CIITA: variants seen among roughly 807,000 people sequenced by gnomAD.
CIITA encodes the protein MHC class II transactivator.
In CIITA, 72 loss-of-function variants were observed where a neutral mutation model predicts 115.1. That is an observed-to-expected ratio of 0.63 (90% CI 0.52 to 0.76). CIITA has a LOEUF of 0.76. Among genes scored for constraint, CIITA ranks in the 30% least tolerant of loss-of-function variants. CIITA has a pLI of 0.00. For missense variants in CIITA, 1,617 were observed against 1,463.8 expected, an observed-to-expected ratio of 1.10 and a Z score of -1.71; for synonymous variants, 763 against 635.6, an observed-to-expected ratio of 1.20 and a Z score of -3.02.
At position 10,942,884 on chromosome 16, in the gene CIITA, G is replaced by A. The variant is rs2041139848; in HGVS notation, n.2010G>A. ...ACATTCCCAAAGCGCCAATTTTCAT[G>A]GTGGAGATCCACCAGTGTCCCCTTC... is the stretch of plus-strand genomic sequence containing the variant. On this transcript the variant is annotated non_coding_transcript_exon_variant, in exon 2 of 2. Coordinates refer to the CIITA transcript ENST00000573379. This position sits in a 1 kb window ranked among gnomAD's most constrained non-coding sequence, Gnocchi z 5.0. 6.6e-6 allele frequency: 1 copy of A among 152,234 alleles called. No individual in the cohort carries two copies. The highest frequency in any genetic ancestry group is 2.4e-5 in the African/African-American group (1 of 41,456). The allele number at this position is 152,234 out of a possible 1,614,324, so 9.4% of individuals were successfully genotyped here.
intron 14 of CIITA, among the ~76,000 whole-genome samples, chr16:10,916,079 A>G (rs7186030): frequency 6.6e-6 from 1 of 152,210 alleles, no homozygotes; most frequent in Non-Finnish European, 1.5e-5. Context: ...CCTACTTTAC[A>G]GTGGAGGTTA....
At chr16:10,918,398 C>T (rs1276101986) in intron 15 of CIITA, 42 bp from the exon 16 acceptor site, 1 of 1,550,830 alleles carries the variant, frequency 6.4e-7, no homozygotes, top group South Asian at 1.1e-5. Flanking sequence ...GTGAGGCATG[C>T]AAGTTTGGTC....
chr16:10,891,445 C>A (rs2037574022), intron 1 of CIITA, among the ~76,000 whole-genome samples: 1 of 152,052 alleles, frequency 6.6e-6, no homozygotes, highest in African/African-American at 2.4e-5. Context: ...GTTTGGGTAA[C>A]TTATTATTTT....
rs938184162 is a variant in CIITA, at chr16:10,901,759, G to T, written c.481+201G>T. ...TGTTTGTGGAAGGTGGTAGGGGCTT[G>T]GAGCTAACAGATTGTTCATAGGTTC... On this transcript the variant is annotated intron_variant, in intron 6 of 19. Coordinates refer to ENST00000324288, the MANE Select transcript of CIITA (RefSeq NM_000246.4). This position sits in a 1 kb window ranked among gnomAD's most constrained non-coding sequence, Gnocchi z 6.8. The T allele has an allele frequency of 1.5e-6, 1 of 671,240 alleles. No homozygotes were observed. 41.6% of individuals were successfully genotyped at this position (671,240 alleles called of 1,614,324 possible).
intron 5 of CIITA, among the ~76,000 whole-genome samples, chr16:10,900,516 G>C (rs1045724026): frequency 1.3e-5 from 2 of 152,076 alleles, no homozygotes; most frequent in African/African-American, 4.8e-5. Context: ...AAGGCTGGCA[G>C]ATCACCTGAG....
At position 10,923,144 on chromosome 16, in the gene CIITA, G is replaced by C. The variant is rs879172807; in HGVS notation, c.3318-84G>C. On this transcript the variant is annotated intron_variant, in intron 18 of 19. Coordinates refer to ENST00000324288, the MANE Select transcript of CIITA (RefSeq NM_000246.4). This position sits in a 1 kb window ranked among gnomAD's most constrained non-coding sequence, Gnocchi z 5.2. ...CCCAACGTTCTAGGCTGGGTGGAAG[G>C]AGGGATTTGGGGGCAGCTGTCACTG... The C allele has an allele frequency of 3.3e-5, 37 of 1,124,858 alleles. No homozygotes were observed. The South Asian group carries it at 4.4e-4, about 13-fold the overall frequency. The allele number at this position is 1,124,858 out of a possible 1,614,324, so 69.7% of individuals were successfully genotyped here.
At chr16:10,900,289 T>C (rs2038587181) in intron 5 of CIITA, among the ~76,000 whole-genome samples, 2 of 152,226 alleles carry the variant, frequency 1.3e-5, no homozygotes, top group Non-Finnish European at 2.9e-5. Flanking sequence ...TTTTGCTTTC[T>C]TCATTTACTT....
Position 10,904,767 on chromosome 16 carries a change from T to A in CIITA, c.961T>A (p.Cys321Ser). The A allele has an allele frequency of 6.2e-7, 1 of 1,614,114 alleles. No individual in the cohort carries two copies. Among genetic ancestry groups the A allele is most frequent in the Non-Finnish European group, 8.5e-7 (1 of 1,179,990 alleles). The change falls in exon 10 of 20, where the codon TGC (cysteine) becomes AGC (serine). Residue 321 changes from cysteine (C) to serine (S), a missense_variant. Coordinates refer to ENST00000324288, the MANE Select transcript of CIITA (RefSeq NM_000246.4). ...MTEHKTSPTQ[C>S]PAAGEVSNKL... is the part of the protein sequence containing the mutation. ...AGAGCACAAGACGTCCCCCACCCAA[T>A]GCCCGGCAGCTGGAGAGGTCTCCAA...
Position 10,907,307 on chromosome 16 carries a change from C to G in CIITA, c.1815C>G (p.Leu605=). ...LTLLRDRPLL[L]SHSHSPTLCR... Reference sequence around the variant, plus strand: ...TCCTCCGGGACCGGCCACTTCTTCTCAGTCACAGCCACAGCCCTACTTTGT... The same window carrying G: ...TCCTCCGGGACCGGCCACTTCTTCTGAGTCACAGCCACAGCCCTACTTTGT... Residue 605 remains leucine, a synonymous_variant, in exon 11 of 20, where the codon CTC becomes CTG. Coordinates refer to ENST00000324288, the MANE Select transcript of CIITA (RefSeq NM_000246.4). This position sits in a 1 kb window ranked among gnomAD's most constrained non-coding sequence, Gnocchi z 5.0. The G allele has an allele frequency of 1.2e-6, 2 of 1,613,680 alleles. No individual in the cohort carries two copies. The highest frequency in any genetic ancestry group is 1.7e-6 in the Non-Finnish European group (2 of 1,180,016).
At chr16:10,900,144 G>T (rs1394453423) in intron 5 of CIITA, among the ~76,000 whole-genome samples, 1 of 152,086 alleles carries the variant, frequency 6.6e-6, no homozygotes, top group Non-Finnish European at 1.5e-5. Flanking sequence ...CTGTTCTGTA[G>T]TCCCTCAGTT....
In CIITA at chr16:10,884,818, G is replaced by A. The variant is rs538251272; in HGVS notation, c.52+7436G>A. The stretch of plus-strand genomic sequence containing the variant: ...TTAGTGCTTCCTGCTCCTTCTCTGT[G>A]TGGAACTGGCCTGTTTGGGTACCCA... On this transcript the variant is annotated intron_variant, in intron 1 of 19. Transcript: ENST00000324288. Among the ~76,000 whole-genome samples the A allele has an allele frequency of 1.2e-4, 18 of 152,244 alleles. No individual in the cohort carries two copies. In the East Asian group the frequency reaches 2.9e-3, roughly 25 times the overall value.
In CIITA at chr16:10,898,654, T is replaced by C. The variant is rs2038388303; in HGVS notation, c.296-16T>C. ...TAGACCTTGTTGATTGACTGCGCTT[T>C]TCCTTGTCTGGGCAGCGGAACTGGA... On this transcript the variant is annotated splice_polypyrimidine_tract_variant and intron_variant, in intron 3 of 19. Transcript: ENST00000324288. 1 of 1,603,786 alleles carries C rather than the reference T, an allele frequency of 6.2e-7. No homozygotes were observed. Among genetic ancestry groups the C allele is most frequent in the African/African-American group, 1.3e-5 (1 of 74,364 alleles).
Position 10,895,398 on chromosome 16 carries a change from G to A in CIITA, c.169G>A (p.Ala57Thr). ...CCACTTCTATGACCAGATGGACCTG[G>A]CTGGAGAAGAAGAGATTGAGCTCTA... ...LYHFYDQMDL[A>T]GEEEIELYSE... The change falls in exon 2 of 20, where the codon GCT becomes ACT. Residue 57 changes from alanine (A) to threonine (T), a missense_variant. By Grantham distance (58) the Ala-to-Thr change is moderately conservative (BLOSUM62 0). Transcript: ENST00000324288. 1 of 1,614,018 alleles carries A rather than the reference G, an allele frequency of 6.2e-7. No homozygotes were observed. Among genetic ancestry groups the A allele is most frequent in the Non-Finnish European group, 8.5e-7 (1 of 1,180,030 alleles).
At chr16:10,919,503 C>CTTATTTATTTATTTAT (rs55706326) in intron 16 of CIITA, among the ~76,000 whole-genome samples, 1,959 of 149,302 alleles carry the variant, frequency 0.013, 40 homozygotes, top group East Asian at 0.079. Flanking sequence ...GCCCGGCCAA[C>CTTATTTATTTATTTAT]TTATTTATTT....
At position 10,941,610 on chromosome 16, in the gene CIITA, C is replaced by T; in HGVS notation, n.736C>T. 6.7e-7 allele frequency: 1 copy of T among 1,502,258 alleles called. No individual in the cohort carries two copies. Among genetic ancestry groups the T allele is most frequent in the Non-Finnish European group, 8.9e-7 (1 of 1,126,962 alleles). 93.1% of individuals were successfully genotyped at this position (1,502,258 alleles called of 1,614,324 possible). ...GGAGGGTCTCCTCCTGGGGAACCAT[C>T]CCCGTCCAGATGGTGCCCCCAACCA... On this transcript the variant is annotated non_coding_transcript_exon_variant, in exon 2 of 2. Coordinates refer to the CIITA transcript ENST00000573379. The surrounding 1 kb of genome is among the most constrained non-coding windows in gnomAD (Gnocchi z 6.4).
rs761154105 is a variant in CIITA at position 10,930,071 on chromosome 16, A to C, written c.*6216A>C. 6.6e-6 allele frequency: 1 copy of C among 152,312 alleles called. No homozygotes were observed. Among genetic ancestry groups the C allele is most frequent in the African/African-American group, 2.4e-5 (1 of 41,462 alleles). 9.4% of individuals were successfully genotyped at this position (152,312 alleles called of 1,614,324 possible). A position where few individuals can be genotyped will look rare whatever the true frequency, so the allele number is the denominator to read the frequency against. On this transcript the variant is annotated 3_prime_UTR_variant, in exon 20 of 20. Transcript: ENST00000324288. Reference sequence around the variant, plus strand: ...GCTCTTTCTCCCAGGATGCAGCATCATCTCCATGGCCTGGCCCCCTGGCAC... The same window carrying C: ...GCTCTTTCTCCCAGGATGCAGCATCCTCTCCATGGCCTGGCCCCCTGGCAC...
Position 10,904,859 on chromosome 16 carries a change from C to T in CIITA, c.1006+47C>T, listed in dbSNP as rs760596847. 10 of 1,594,348 alleles carry T rather than the reference C, an allele frequency of 6.3e-6. No individual in the cohort carries two copies. The South Asian group carries it at 1.1e-4, about 18-fold the overall frequency. ...TGCCCTGGGTGGTGGAGATGGAAGC[C>T]CATATCTGGCTTCACATTGCTCATT... On this transcript the variant is annotated intron_variant, in intron 10 of 19. Transcript: ENST00000324288.
rs1011859641 is a variant in CIITA at position 10,897,050 on chromosome 16, C to A, written c.295+1286C>A. On this transcript the variant is annotated intron_variant, in intron 3 of 19. Transcript: ENST00000324288. ...TAGGATTTGGGTGTTTTTCTCCCCC[C>A]TTAGTGGCATCTCCACAGGCAGCGA... is the stretch of plus-strand genomic sequence containing the variant. Among the ~76,000 whole-genome samples, 5 of 152,204 alleles carry A rather than the reference C, an allele frequency of 3.3e-5. No individual in the cohort carries two copies. The South Asian group carries it at 1.0e-3, about 31-fold the overall frequency.
chr16:10,870,712 C>A (rs1019989360), intron 1 of CIITA, among the ~76,000 whole-genome samples: 4 of 152,222 alleles, frequency 2.6e-5, no homozygotes, highest in African/African-American at 7.2e-5. Context: ...TCAGTTTCTT[C>A]ATCTCTGAAA....
Sources: gnomAD v4.1 joint callset for allele counts (sites outside exome capture counted in the v4.1 genomes callset) on GRCh38, gnomAD v4.1.1 for gene constraint, Gnocchi (gnomAD v3.1) non-coding constraint, MANE v1.5 for transcripts, NCBI Gene and HGNC (gene_info 2026-07-23, HGNC 2026-07-21) for gene names.